The following CYB5R2 variants were observed in gnomAD, a reference collection of about 807,000 sequenced individuals.
CYB5R2 encodes the protein cytochrome b5 reductase 2.
In CYB5R2, 35 loss-of-function variants were observed where a neutral mutation model predicts 29.8. The observed-to-expected ratio is 1.17, with a 90% CI of 0.90 to 1.56. The LOEUF (loss-of-function observed/expected upper bound fraction) is 1.56. Ranked by LOEUF, CYB5R2 falls within the 40% of genes most tolerant of loss-of-function variation. CYB5R2 has a pLI of 0.00. For synonymous variants in CYB5R2, 169 were observed against 130.6 expected (o/e 1.29, Z -2.01); for missense variants, 419 against 346.7 (o/e 1.21, Z -1.66).
At position 7,665,228 on chromosome 11, in the gene CYB5R2, C is replaced by T. The variant is rs1035193015; in HGVS notation, c.*146G>A. ...AGCCCCTTGAGCCCTTTTTGTTAGG[C>T]CCACACCCAAAAGAGGAGAACCAGT... On this transcript the variant is annotated 3_prime_UTR_variant, in exon 9 of 9. Coordinates refer to ENST00000299498, the MANE Select transcript of CYB5R2 (RefSeq NM_016229.5). 1.0e-5 allele frequency: 7 copies of T among 678,706 alleles called. No homozygotes were observed. The African/African-American group carries it at 1.3e-4, about 12-fold the overall frequency. The allele number at this position is 678,706 out of a possible 1,614,324, so 42.0% of individuals were successfully genotyped here.
At chr11:7,674,023 G>C, upstream of CYB5R2, 4 of 1,169,224 alleles carry the variant, frequency 3.4e-6, no homozygotes, top group Non-Finnish European at 3.2e-6. Flanking sequence ...GCGCTGAGCC[G>C]TGGCGTCCTC....
At chr11:7,668,657 C>G (rs1329339876) in intron 5 of CYB5R2, 96 bp from the exon 6 acceptor site, 1 of 995,282 alleles carries the variant, frequency 1.0e-6, no homozygotes, top group African/African-American at 1.6e-5. Flanking sequence ...GGAGGCACGT[C>G]CAGCTAAGGG....
At chr11:7,673,997 T>C, upstream of CYB5R2, 2 of 1,147,740 alleles carry the variant, frequency 1.7e-6, no homozygotes, top group South Asian at 3.5e-5. Context: ...CAGCGCTCCA[T>C]CATGAGGCTG....
At chr11:7,672,997 C>G (rs1235424503) in intron 1 of CYB5R2, 106 bp from the exon 2 acceptor site, 2 of 1,120,070 alleles carry the variant, frequency 1.8e-6, no homozygotes, top group Non-Finnish European at 2.6e-6. Flanking sequence ...AGGAGCTGAG[C>G]TCTGCCTGCA....
In CYB5R2 at chr11:7,665,447, G is replaced by T. The variant is rs771640183; in HGVS notation, c.758C>A (p.Pro253Gln). ...STLILVCGPP[P>Q]LIQTAAHPNL... ...AGGGTGAGCCGCCGTCTGGATTAGT[G>T]GTGGCGGGCCACACACCAGGATGAG... Residue 253 changes from proline (P) to glutamine (Q), a missense_variant, in exon 9 of 9, where the codon CCA (proline) becomes CAA (glutamine). Transcript: ENST00000299498. 17 of 1,613,664 alleles carry T rather than the reference G, an allele frequency of 1.1e-5. 1 individual carries two copies. In the South Asian group the frequency reaches 1.9e-4, roughly 18 times the overall value.
Position 7,668,475 on chromosome 11 carries a change from T to TA in CYB5R2, c.472+2dup. 6.2e-7 allele frequency: 1 copy of TA among 1,612,856 alleles called. No homozygotes were observed. The highest frequency in any genetic ancestry group is 8.5e-7 in the Non-Finnish European group (1 of 1,178,818). ...CTGGATGGAGCCCCTAGAAGCCTCTTACCTGTGCCCCCAGCAATCATTCCC... is the reference window on the plus strand; with the variant it reads ...CTGGATGGAGCCCCTAGAAGCCTCTTAACCTGTGCCCCCAGCAATCATTCCC... On this transcript the variant is annotated splice_region_variant and intron_variant, in intron 6 of 8. Transcript: ENST00000299498.
intron 4 of CYB5R2, 117 bp downstream of exon 4, chr11:7,669,508 C>T: frequency 8.4e-7 from 1 of 1,196,040 alleles, no homozygotes. Context: ...AGCTTCACTG[C>T]TGGAAAGCCC....
Position 7,668,533 on chromosome 11 carries a change from C to A in CYB5R2, c.417G>T (p.Thr139=). ...CGGCCAGTGTTTTTTTAGGCTCACTCGTCTGGTCTGGTCTGATTCCAAGAT... is the reference window on the plus strand; with the variant it reads ...CGGCCAGTGTTTTTTTAGGCTCACTAGTCTGGTCTGGTCTGATTCCAAGAT... The part of the protein sequence containing the change: ...PGNLGIRPDQ[T]SEPKKTLADH... The change falls in exon 6 of 9, where the codon ACG becomes ACT. Residue 139 remains threonine, a synonymous_variant. Transcript: ENST00000299498. The A allele has an allele frequency of 6.2e-7, 1 of 1,614,066 alleles. No homozygotes were observed. The highest frequency in any genetic ancestry group is 1.1e-5 in the South Asian group (1 of 91,058).
chr11:7,668,968 G>C, intron 5 of CYB5R2: 1 of 665,218 alleles, frequency 1.5e-6, no homozygotes, highest in South Asian at 1.6e-5. Context: ...TTGTGCTGGA[G>C]ATTTTGATAC....
In CYB5R2 at chr11:7,665,265, G is replaced by T; in HGVS notation, c.*109C>A. The stretch of plus-strand genomic sequence containing the variant: ...AGAGGAGAACCAGTGTGTGCGCGAA[G>T]GTACATGGCAAGGCACTTTTGAAAA... On this transcript the variant is annotated 3_prime_UTR_variant, in exon 9 of 9. Transcript: ENST00000299498. 8.2e-6 allele frequency: 8 copies of T among 971,520 alleles called. No individual in the cohort carries two copies. In the South Asian group the frequency reaches 1.1e-4, roughly 13 times the overall value. 60.2% of individuals were successfully genotyped at this position (971,520 alleles called of 1,614,324 possible).
intron 7 of CYB5R2, 106 bp from the exon 8 acceptor site, chr11:7,666,656 G>C: frequency 1.4e-6 from 1 of 694,986 alleles, no homozygotes; most frequent in East Asian, 2.8e-5. Context: ...CACCACTCCA[G>C]CTGGAGTGCT....
chr11:7,666,018 A>G, intron 8 of CYB5R2: 1 of 1,051,370 alleles, frequency 9.5e-7, no homozygotes, highest in Non-Finnish European at 1.4e-6. Flanking sequence ...GGTTGCTGGG[A>G]TGCTGTCTGG....
At chr11:7,665,792 G>C (rs1339551382) in intron 8 of CYB5R2, 3 of 1,484,148 alleles carry the variant, frequency 2.0e-6, no homozygotes, top group Non-Finnish European at 2.7e-6. Flanking sequence ...TCAGCTGTCA[G>C]CATTGACGAG....
chr11:7,668,083 T>G (rs1478907523), intron 6 of CYB5R2, among the ~76,000 whole-genome samples: 3 of 151,680 alleles, frequency 2.0e-5, no homozygotes, highest in African/African-American at 7.3e-5. Context: ...GACGGGTAAA[T>G]GTGATCGTTT....
rs199816158 is a variant in CYB5R2, at chr11:7,669,674, G to C, written c.209C>G (p.Thr70Ser). Reference sequence around the variant, plus strand: ...TCTGTCATCATCACTGGAGACAGGGGTGTAAGCCCTGACCACCAATTCATT... The same window carrying C: ...TCTGTCATCATCACTGGAGACAGGGCTGTAAGCCCTGACCACCAATTCATT... ...IDNELVVRAY[T>S]PVSSDDDRGF... Residue 70 changes from threonine (T) to serine (S), a missense_variant, in exon 4 of 9, where the codon ACC becomes AGC. Transcript: ENST00000299498. The C allele has an allele frequency of 2.5e-6, 4 of 1,613,454 alleles. No homozygotes were observed. In the African/African-American group the frequency reaches 4.0e-5, roughly 16 times the overall value.
At position 7,665,443 on chromosome 11, in the gene CYB5R2, T is replaced by C. The variant is rs13854; in HGVS notation, c.762A>G (p.Leu254=). ...TLILVCGPPP[L]IQTAAHPNLE... is the part of the protein sequence containing the mutation. The stretch of plus-strand genomic sequence containing the variant: ...GGTTAGGGTGAGCCGCCGTCTGGAT[T>C]AGTGGTGGCGGGCCACACACCAGGA... Residue 254 remains leucine, a synonymous_variant, in exon 9 of 9, where the codon CTA becomes CTG. Coordinates refer to ENST00000299498, the MANE Select transcript of CYB5R2 (RefSeq NM_016229.5). 0.77 allele frequency: 1,246,780 copies of C among 1,612,478 alleles called. 482,869 individuals carry two copies. The highest frequency in any genetic ancestry group is 0.85 in the African/African-American group (63,895 of 74,970).
At chr11:7,673,176 G>C in intron 1 of CYB5R2, 1 of 409,970 alleles carries the variant, frequency 2.4e-6, no homozygotes, top group Non-Finnish European at 4.3e-6. Flanking sequence ...GCCCCTCCTG[G>C]CTACAGCCAA....
At chr11:7,673,980 C>T (rs771271629), upstream of CYB5R2, 1 of 1,126,548 alleles carries the variant, frequency 8.9e-7, no homozygotes, top group Non-Finnish European at 1.1e-6. Flanking sequence ...CAGCCCTGCC[C>T]CCAGGGCAGC....
At chr11:7,670,172 G>A (rs569896239) in intron 3 of CYB5R2, 14 of 177,664 alleles carry the variant, frequency 7.9e-5, no homozygotes, top group South Asian at 1.2e-4. Context: ...GCAAGATGGC[G>A]AAACCCCATC....
Sources: allele counts gnomAD v4.1 joint callset (sites outside exome capture counted in the v4.1 genomes callset), GRCh38; gene constraint gnomAD v4.1.1; transcripts MANE v1.5; gene names NCBI Gene and HGNC (gene_info 2026-07-23, HGNC 2026-07-21).